The following TMEFF2 variants were observed in gnomAD, a reference collection of about 807,000 sequenced individuals.
TMEFF2 encodes transmembrane protein with EGF like and two follistatin like domains 2, also known as tomoregulin-2.
TMEFF2 carries 28 observed loss-of-function variants against 53.8 expected under a neutral mutation model. The observed-to-expected ratio is 0.52, with a 90% confidence interval of 0.39 to 0.71. The LOEUF (loss-of-function observed/expected upper bound fraction) is 0.71, where lower values mean the gene tolerates loss of function less well. TMEFF2 is among the 30% of genes least tolerant of loss of function. TMEFF2 has a pLI of 0.00. For missense variants in TMEFF2, 353 were observed against 455.2 expected (o/e 0.78, Z 2.04); for synonymous variants, 162 against 166.3 (o/e 0.97, Z 0.20).
chr2:192,018,831 T>G (rs533962421), intron 5 of TMEFF2, among the ~76,000 whole-genome samples: 1 of 152,308 alleles, frequency 6.6e-6, no homozygotes, highest in Non-Finnish European at 1.5e-5. Context: ...TGTATTTTTT[T>G]CAAGGTAGCA....
chr2:192,034,044 A>G (rs950550989), intron 5 of TMEFF2, among the ~76,000 whole-genome samples: 42 of 152,092 alleles, frequency 2.8e-4, no homozygotes, highest in African/African-American at 7.9e-4. Flanking sequence ...GCGTGGTGGC[A>G]AGCGCCTGTA....
At chr2:192,179,345 C>T (rs989765876) in intron 4 of TMEFF2, 25 of 281,184 alleles carry the variant, frequency 8.9e-5, no homozygotes, top group Non-Finnish European at 1.5e-4. Flanking sequence ...TGAATTCTTT[C>T]TTCCCTGCCA....
intron 4 of TMEFF2, among the ~76,000 whole-genome samples, chr2:192,060,966 A>T (rs1009823228): frequency 6.6e-6 from 1 of 152,178 alleles, no homozygotes; most frequent in African/African-American, 2.4e-5. Context: ...CCTGCCATTA[A>T]AATGTATTTA....
chr2:192,037,336 A>AGAAAGAAAGAAAGAAAGAAG (rs1553515677), intron 5 of TMEFF2, among the ~76,000 whole-genome samples: 1 of 150,588 alleles, frequency 6.6e-6, no homozygotes, highest in African/African-American at 2.4e-5. Flanking sequence ...AAAGAAAGAA[A>AGAAAGAAAGAAAGAAAGAAG]AACAGAAAAC....
At chr2:192,136,693 C>G (rs1287656275) in intron 4 of TMEFF2, among the ~76,000 whole-genome samples, 4 of 150,006 alleles carry the variant, frequency 2.7e-5, no homozygotes, top group African/African-American at 9.7e-5. Flanking sequence ...TCTCCCCGCT[C>G]TCTCTCTCCT....
chr2:192,034,503 C>T (rs1288018094), intron 5 of TMEFF2, among the ~76,000 whole-genome samples: 1 of 152,178 alleles, frequency 6.6e-6, no homozygotes, highest in East Asian at 1.9e-4. Context: ...TTTTACTAAT[C>T]TCTACATTGG....
chr2:191,965,192 A>G (rs554773561), intron 7 of TMEFF2, among the ~76,000 whole-genome samples: 33 of 152,220 alleles, frequency 2.2e-4, no homozygotes, highest in African/African-American at 6.3e-4. Context: ...CTATATATCA[A>G]CATTCCTAGG....
At chr2:191,982,261 A>G (rs1462786060) in intron 7 of TMEFF2, among the ~76,000 whole-genome samples, 1 of 152,196 alleles carries the variant, frequency 6.6e-6, no homozygotes, top group African/African-American at 2.4e-5. Context: ...TATGAAACAG[A>G]CATTAGAGAT....
Position 192,075,330 on chromosome 2 carries a change from T to TACAC in TMEFF2, c.440-17556_440-17555insGTGT, listed in dbSNP as rs1489734329. Among the ~76,000 whole-genome samples, 288 of 100,952 alleles carry TACAC rather than the reference T, an allele frequency of 2.9e-3. 14 individuals carry two copies. The highest frequency in any genetic ancestry group is 7.9e-3 in the African/African-American group (189 of 23,826). 66.2% of individuals were successfully genotyped at this position (100,952 alleles called of 152,430 possible). On this transcript the variant is annotated intron_variant, in intron 4 of 9. Transcript: ENST00000272771. ...ATATATATATATATATATATATATATATACATACATACTATGTATATCCTT... is the reference window on the plus strand; with the variant it reads ...ATATATATATATATATATATATATATACACATACATACATACTATGTATATCCTT...
intron 4 of TMEFF2, among the ~76,000 whole-genome samples, chr2:192,134,835 C>T (rs1010412841): frequency 8.5e-5 from 13 of 152,276 alleles, no homozygotes; most frequent in African/African-American, 2.2e-4. Flanking sequence ...TGATAACAGA[C>T]CAGCCTTTAT....
chr2:192,075,308 T>TAA (rs1331065027), intron 4 of TMEFF2, among the ~76,000 whole-genome samples: 23,675 of 67,544 alleles, frequency 0.35, 4,208 homozygotes, highest in South Asian at 0.47. Context: ...TATATATATA[T>TAA]ATATATATAT....
chr2:192,098,766 TC>T (rs1688971547), intron 4 of TMEFF2, among the ~76,000 whole-genome samples: 1 of 152,166 alleles, frequency 6.6e-6, no homozygotes, highest in African/African-American at 2.4e-5. Flanking sequence ...TAAAAGCACA[TC>T]TTTGCCAGCT....
At chr2:192,171,072 G>C (rs377465534) in intron 4 of TMEFF2, among the ~76,000 whole-genome samples, 50 of 152,066 alleles carry the variant, frequency 3.3e-4, no homozygotes, top group Non-Finnish European at 5.1e-4. Context: ...GGCATGCACT[G>C]CAGCATGCAG....
chr2:192,111,000 G>A (rs1368857586), intron 4 of TMEFF2, among the ~76,000 whole-genome samples: 1 of 152,140 alleles, frequency 6.6e-6, no homozygotes, highest in South Asian at 2.1e-4. Context: ...TGCCATGATT[G>A]TGAGGCCTCC....
At chr2:192,150,845 C>A (rs1235527111) in intron 4 of TMEFF2, among the ~76,000 whole-genome samples, 1 of 151,502 alleles carries the variant, frequency 6.6e-6, no homozygotes, top group Non-Finnish European at 1.5e-5. Flanking sequence ...CATTTTCATT[C>A]TCTGTGGTTG....
At chr2:192,031,672 C>T (rs1296077412) in intron 5 of TMEFF2, 3 of 152,140 alleles carry the variant, frequency 2.0e-5, no homozygotes, top group African/African-American at 4.8e-5. Context: ...GGTAACTCAA[C>T]TAAGGTCAAA....
At chr2:192,147,102 C>T (rs1690269997) in intron 4 of TMEFF2, among the ~76,000 whole-genome samples, 1 of 151,952 alleles carries the variant, frequency 6.6e-6, no homozygotes, top group South Asian at 2.1e-4. Context: ...TTTTAAGTGG[C>T]TTTTAAGACT....
chr2:191,983,101 C>G (rs192252688), intron 7 of TMEFF2, among the ~76,000 whole-genome samples: 3 of 152,170 alleles, frequency 2.0e-5, no homozygotes, highest in Admixed American at 2.0e-4. Context: ...ATCCTACACT[C>G]TAATGCTTTA....
In TMEFF2 at chr2:192,023,098, G is replaced by A. The variant is rs141589405; in HGVS notation, c.537-23890C>T. ...GCAAGTTGTACGGATTGTGATTTAT[G>A]CTATTTTCTGTTTTCTTGCACACTG... On this transcript the variant is annotated intron_variant, in intron 5 of 9. Coordinates refer to ENST00000272771, the MANE Select transcript of TMEFF2 (RefSeq NM_016192.4). 2.0e-5 allele frequency among the ~76,000 whole-genome samples: 3 copies of A among 152,132 alleles called. No homozygotes were observed. The East Asian group carries it at 5.8e-4, about 29-fold the overall frequency.
Sources: allele counts gnomAD v4.1 joint callset (sites outside exome capture counted in the v4.1 genomes callset), GRCh38; gene constraint gnomAD v4.1.1; transcripts MANE v1.5; gene names NCBI Gene and HGNC (gene_info 2026-07-23, HGNC 2026-07-21).